Variants in HDAC9 observed in about 807,000 individuals in gnomAD.
HDAC9 encodes the protein MEF-2 interacting transcription repressor (MITR) protein.
Under a neutral mutation model 139.4 loss-of-function variants are expected in HDAC9, and 41 were observed. The observed-to-expected ratio is 0.29, with a 90% CI of 0.23 to 0.38. The LOEUF is 0.38. Ranked by LOEUF, HDAC9 falls within the 10% of genes least tolerant of loss-of-function variation. HDAC9 has a pLI of 1.00. For synonymous variants in HDAC9, 517 were observed against 476.2 expected (o/e 1.09, Z -1.12); for missense variants, 1,147 against 1,297.0 (o/e 0.88, Z 1.78).
At chr7:18,956,700 G>A (rs983113586) in intron 24 of HDAC9, among the ~76,000 whole-genome samples, 3 of 152,086 alleles carry the variant, frequency 2.0e-5, no homozygotes, top group Non-Finnish European at 2.9e-5. Flanking sequence ...ACCAGATACC[G>A]TGCAACTCAG....
intron 13 of HDAC9, among the ~76,000 whole-genome samples, chr7:18,740,067 C>T (rs1442275770): frequency 6.6e-6 from 1 of 152,254 alleles, no homozygotes; most frequent in African/African-American, 2.4e-5. Flanking sequence ...AGCGTGGGAC[C>T]TGCCAAGCCA....
chr7:18,431,450 C>T (rs748290431), intron 1 of HDAC9, among the ~76,000 whole-genome samples: 15 of 152,162 alleles, frequency 9.9e-5, no homozygotes, highest in African/African-American at 2.2e-4. Context: ...ATTTTTTCTT[C>T]GTCCGTGACA....
At chr7:18,379,729 T>A (rs1210225794) in intron 1 of HDAC9, among the ~76,000 whole-genome samples, 1 of 152,258 alleles carries the variant, frequency 6.6e-6, no homozygotes, top group African/African-American at 2.4e-5. Flanking sequence ...GGGAGGATTG[T>A]TGTCTGACTT....
chr7:18,185,782 A>G (rs981614859), intron 2 of HDAC9, among the ~76,000 whole-genome samples: 3 of 152,216 alleles, frequency 2.0e-5, no homozygotes, highest in South Asian at 4.1e-4. Context: ...CAATGGAGTA[A>G]ATGGGACACT....
intron 1 of HDAC9, among the ~76,000 whole-genome samples, chr7:18,484,655 C>T (rs188344226): frequency 5.9e-5 from 9 of 152,098 alleles, no homozygotes; most frequent in Non-Finnish European, 1.0e-4. Flanking sequence ...AACTAGGCCT[C>T]GGTTTTTGAA....
At chr7:18,153,277 G>T (rs1328021568) in intron 1 of HDAC9, among the ~76,000 whole-genome samples, 4 of 152,186 alleles carry the variant, frequency 2.6e-5, no homozygotes, top group Admixed American at 2.6e-4. Flanking sequence ...GAGATTTGCT[G>T]AAAATGAAAG....
At chr7:18,280,832 T>C (rs1474748037) in intron 2 of HDAC9, among the ~76,000 whole-genome samples, 2 of 152,124 alleles carry the variant, frequency 1.3e-5, no homozygotes, top group Admixed American at 6.6e-5. Flanking sequence ...GATGGTCTAA[T>C]ATTGTTATGA....
chr7:18,171,954 C>G (rs1027120397), intron 2 of HDAC9, among the ~76,000 whole-genome samples: 7 of 152,162 alleles, frequency 4.6e-5, no homozygotes, highest in African/African-American at 1.4e-4. Context: ...TGATGCTGGC[C>G]TTATAAAATG....
At chr7:18,168,893 T>TGTGTG (rs1170116015) in intron 2 of HDAC9, among the ~76,000 whole-genome samples, 1,379 of 116,350 alleles carry the variant, frequency 0.012, 8 homozygotes, top group African/African-American at 0.045. Flanking sequence ...TTTTTTTTTT[T>TGTGTG]TTTTTGTGTG....
At chr7:18,841,442 G>C (rs1585135239) in intron 21 of HDAC9, among the ~76,000 whole-genome samples, 1 of 152,002 alleles carries the variant, frequency 6.6e-6, no homozygotes, top group African/African-American at 2.4e-5. Flanking sequence ...TTTAATTTTT[G>C]CTAGTTGTTC....
intron 21 of HDAC9, among the ~76,000 whole-genome samples, chr7:18,871,972 A>G (rs1798954941): frequency 6.6e-6 from 1 of 152,172 alleles, no homozygotes; most frequent in Non-Finnish European, 1.5e-5. Context: ...CACTGAATAT[A>G]TACTTGTTGA....
chr7:18,204,456 A>G (rs1414661096), intron 2 of HDAC9, among the ~76,000 whole-genome samples: 1 of 151,888 alleles, frequency 6.6e-6, no homozygotes, highest in Non-Finnish European at 1.5e-5. Flanking sequence ...TGGCTTTTCA[A>G]GTGCTTTGCC....
chr7:18,674,094 T>C (rs1039459015), intron 12 of HDAC9, among the ~76,000 whole-genome samples: 2 of 152,014 alleles, frequency 1.3e-5, no homozygotes, highest in African/African-American at 4.8e-5. Flanking sequence ...TCTTTGATTA[T>C]CTTCATTCCT....
intron 12 of HDAC9, among the ~76,000 whole-genome samples, chr7:18,694,945 G>A (rs755380602): frequency 6.6e-6 from 1 of 152,010 alleles, no homozygotes; most frequent in Non-Finnish European, 1.5e-5. Context: ...CATAGGAGTG[G>A]GAGTGACATT....
At chr7:18,870,496 C>T (rs912208966) in intron 21 of HDAC9, among the ~76,000 whole-genome samples, 5 of 152,108 alleles carry the variant, frequency 3.3e-5, no homozygotes, top group African/African-American at 1.2e-4. Flanking sequence ...AGTATTGATG[C>T]TGATATGTCC....
chr7:18,184,607 A>G (rs557840376), intron 2 of HDAC9, among the ~76,000 whole-genome samples: 6 of 152,324 alleles, frequency 3.9e-5, no homozygotes, highest in South Asian at 2.1e-4. Context: ...TTGGTGTTCA[A>G]AAAGTTTCAG....
intron 2 of HDAC9, among the ~76,000 whole-genome samples, chr7:18,239,955 T>G (rs917633770): frequency 7.0e-6 from 1 of 142,142 alleles, no homozygotes; most frequent in Non-Finnish European, 1.5e-5. Flanking sequence ...TGCTGCATGT[T>G]TTTTTTTTTT....
chr7:18,792,822 G>A (rs1321984301), intron 16 of HDAC9, among the ~76,000 whole-genome samples: 2 of 152,200 alleles, frequency 1.3e-5, no homozygotes, highest in Non-Finnish European at 2.9e-5. Flanking sequence ...ACTTGTGGTT[G>A]CTACTTTCTA....
intron 2 of HDAC9, among the ~76,000 whole-genome samples, chr7:18,511,442 A>G (rs962795061): frequency 1.3e-5 from 2 of 152,120 alleles, no homozygotes; most frequent in Non-Finnish European, 2.9e-5. Context: ...CTACAAACCA[A>G]ACTAAATTGC....
Sources: gnomAD v4.1 joint callset for allele counts (sites outside exome capture counted in the v4.1 genomes callset) on GRCh38, gnomAD v4.1.1 for gene constraint, MANE v1.5 for transcripts, NCBI Gene and HGNC (gene_info 2026-07-23, HGNC 2026-07-21) for gene names.